Variants in GPRC5C observed in about 807,000 individuals in gnomAD.
The protein encoded by GPRC5C is G protein-coupled receptor class C group 5 member C.
In GPRC5C, 22 loss-of-function variants were observed where a neutral mutation model predicts 31.4. That is an observed-to-expected ratio of 0.70 (90% CI 0.50 to 1.00). GPRC5C has a LOEUF of 1.00. GPRC5C is among the 50% of genes least tolerant of loss of function. GPRC5C has a pLI of 0.00. For synonymous variants in GPRC5C, 249 were observed against 257.5 expected (o/e 0.97, Z 0.32); for missense variants, 557 against 597.2 (o/e 0.93, Z 0.70).
chr17:74,434,222 T>C (rs545493032), intron 1 of GPRC5C, among the ~76,000 whole-genome samples: 1 of 152,298 alleles, frequency 6.6e-6, no homozygotes, highest in African/African-American at 2.4e-5. Context: ...GGGCTTCAGC[T>C]GTGGGGTGGG....
chr17:74,444,140 C>T (rs2055588849), intron 3 of GPRC5C, among the ~76,000 whole-genome samples: 2 of 152,172 alleles, frequency 1.3e-5, no homozygotes, highest in Non-Finnish European at 2.9e-5. Context: ...GCAGTGGGAC[C>T]CGCCCTGTGT....
At position 74,447,022 on chromosome 17, in the gene GPRC5C, G is replaced by A. The variant is rs771615403; in HGVS notation, c.1320G>A (p.Trp440Ter). The A allele has an allele frequency of 8.1e-6, 13 of 1,610,582 alleles. No homozygotes were observed. Among genetic ancestry groups the A allele is most frequent in the African/African-American group, 2.7e-5 (2 of 74,866 alleles). ...AGGTCTTTAGAAACCCCTACGTGTG[G>A]GACTGAGTCAGCGGTGGCGAGGAGA... ...NSQVFRNPYVWD is the reference protein window; with the variant it reads ...NSQVFRNPYV The change falls in exon 4 of 4, where the codon TGG becomes TGA. Residue 440 changes from tryptophan to a stop codon, truncating the protein, a stop_gained. Coordinates refer to ENST00000392627, the MANE Select transcript of GPRC5C (RefSeq NM_022036.4). LOFTEE classifies it high-confidence loss of function.
At chr17:74,449,686 G>T (rs866642423), downstream of GPRC5C, 14 of 137,758 alleles carry the variant, frequency 1.0e-4, no homozygotes, top group Admixed American at 3.3e-4. Flanking sequence ...TAGTCCCTGT[G>T]TCCCCAAGCT....
rs1221248313 is a variant in GPRC5C at position 74,438,219 on chromosome 17, A to C, written c.-32-1526A>C. ...TCTCTGCTAATTCATATATATATATATATATATATATATATATATATATAT... is the reference window on the plus strand; with the variant it reads ...TCTCTGCTAATTCATATATATATATCTATATATATATATATATATATATAT... On this transcript the variant is annotated intron_variant, in intron 1 of 3. Transcript: ENST00000392627. Among the ~76,000 whole-genome samples the C allele has an allele frequency of 1.8e-3, 185 of 103,790 alleles. 3 individuals are homozygous for C. The highest frequency in any genetic ancestry group is 0.01 in the African/African-American group (174 of 17,280). 68.1% of individuals were successfully genotyped at this position (103,790 alleles called of 152,430 possible).
rs1385661632 is a variant in GPRC5C at position 74,446,845 on chromosome 17, C to T, written c.1147-4C>T. 3 of 1,603,682 alleles carry T rather than the reference C, an allele frequency of 1.9e-6. No individual in the cohort carries two copies. The highest frequency in any genetic ancestry group is 1.3e-5 in the African/African-American group (1 of 74,682). Reference sequence around the variant, plus strand: ...ACTGTGAGACCGCCTGTTCTTCCTTCCAGTCCGAAGGAGCTTACGACATCA... The same window carrying T: ...ACTGTGAGACCGCCTGTTCTTCCTTTCAGTCCGAAGGAGCTTACGACATCA... On this transcript the variant is annotated splice_polypyrimidine_tract_variant and splice_region_variant and intron_variant, in intron 3 of 3. Coordinates refer to ENST00000392627, the MANE Select transcript of GPRC5C (RefSeq NM_022036.4).
intron 1 of GPRC5C, among the ~76,000 whole-genome samples, chr17:74,437,925 T>C (rs78223733): frequency 0.023 from 3,512 of 152,240 alleles, 142 homozygotes; most frequent in African/African-American, 0.079. Context: ...GGGTTACAAC[T>C]AGTTATTTGA....
In GPRC5C at chr17:74,440,881, C is replaced by G; in HGVS notation, c.1051+54C>G. ...CCCTTTCTCCATCCCATGTCTTTTA[C>G]TGCAGGACAGGGAGCCAGTCTCTTG... On this transcript the variant is annotated intron_variant, in intron 2 of 3. Transcript: ENST00000392627. The surrounding 1 kb of genome is among the most constrained non-coding windows in gnomAD (Gnocchi z 4.4). The G allele has an allele frequency of 1.4e-6, 2 of 1,408,364 alleles. No individual in the cohort carries two copies. The highest frequency in any genetic ancestry group is 1.9e-6 in the Non-Finnish European group (2 of 1,070,588). 87.2% of individuals were successfully genotyped at this position (1,408,364 alleles called of 1,614,324 possible).
chr17:74,450,641 T>C (rs1361406264), downstream of GPRC5C: 1 of 152,216 alleles, frequency 6.6e-6, no homozygotes, highest in Non-Finnish European at 1.5e-5. Context: ...TGGCGCTGGT[T>C]CATCACTGGA....
At chr17:74,448,584 G>T (rs191516787), downstream of GPRC5C, among the ~76,000 whole-genome samples, 1 of 152,158 alleles carries the variant, frequency 6.6e-6, no homozygotes, top group African/African-American at 2.4e-5. Flanking sequence ...TCACCATGTT[G>T]CCCAGACTGG....
intron 2 of GPRC5C, among the ~76,000 whole-genome samples, chr17:74,441,045 C>T (rs1183323295): frequency 3.3e-5 from 5 of 151,072 alleles, no homozygotes; most frequent in East Asian, 3.9e-4. Flanking sequence ...GAGGCCAAGG[C>T]GGGTGGATCA....
At chr17:74,441,979 G>A (rs1169068206) in intron 2 of GPRC5C, among the ~76,000 whole-genome samples, 1 of 152,108 alleles carries the variant, frequency 6.6e-6, no homozygotes, top group Non-Finnish European at 1.5e-5. Context: ...TCTTTAAAAG[G>A]AAGTATTTTT....
downstream of GPRC5C, chr17:74,449,013 A>T: frequency 1.4e-6 from 1 of 725,100 alleles, no homozygotes; most frequent in Non-Finnish European, 2.1e-6. Context: ...GGGGGCTGCC[A>T]GGCCGGCCCC....
intron 1 of GPRC5C, among the ~76,000 whole-genome samples, chr17:74,435,442 G>T (rs751766481): frequency 1.7e-4 from 26 of 152,226 alleles, no homozygotes; most frequent in Non-Finnish European, 3.5e-4. Flanking sequence ...AGATATTTCA[G>T]GATGGGACCA....
intron 1 of GPRC5C, among the ~76,000 whole-genome samples, chr17:74,436,752 A>G (rs2055437094): frequency 6.6e-6 from 1 of 152,114 alleles, no homozygotes; most frequent in South Asian, 2.1e-4. Context: ...AGGTGTCCGG[A>G]GTCTAAGTGG....
chr17:74,439,428 C>T (rs557758747), intron 1 of GPRC5C, among the ~76,000 whole-genome samples: 26 of 152,274 alleles, frequency 1.7e-4, no homozygotes, highest in African/African-American at 3.9e-4. Context: ...CATCCTCCAC[C>T]GTGGCCGCCA....
intron 1 of GPRC5C, among the ~76,000 whole-genome samples, chr17:74,438,119 C>T (rs1213787729): frequency 2.7e-5 from 4 of 148,586 alleles, no homozygotes; most frequent in East Asian, 4.0e-4. Flanking sequence ...ACTGCAGCCT[C>T]GATCCCCTGG....
At position 74,432,141 on chromosome 17, in the gene GPRC5C, G is replaced by A. The variant is rs1212938480; in HGVS notation, c.-33G>A. On this transcript the variant is annotated splice_region_variant and 5_prime_UTR_variant, in exon 1 of 4. Coordinates refer to ENST00000392627, the MANE Select transcript of GPRC5C (RefSeq NM_022036.4). Reference sequence around the variant, plus strand: ...AAAGTACGAGTCGGCTCAGCCTGGAGGTGAGTCGGGGCGGGGAGGGCCGGG... The same window carrying A: ...AAAGTACGAGTCGGCTCAGCCTGGAAGTGAGTCGGGGCGGGGAGGGCCGGG... The A allele has an allele frequency of 2.5e-6, 4 of 1,611,854 alleles. No homozygotes were observed. In the South Asian group the frequency reaches 3.3e-5, roughly 13 times the overall value.
At chr17:74,450,720 G>A (rs1310899653), downstream of GPRC5C, 1 of 147,902 alleles carries the variant, frequency 6.8e-6, no homozygotes, top group East Asian at 2.2e-4. Context: ...GCAAAGAGGG[G>A]GTACCTCCAT....
rs986939615 is a variant in GPRC5C, at chr17:74,447,361, G to A, written c.*333G>A. On this transcript the variant is annotated 3_prime_UTR_variant, in exon 4 of 4. Transcript: ENST00000392627. ...TGCAACCTCAAGAGACTTCCCAGGC[G>A]CTCAGGCCTGGATCTTGCTCCTCTG... 21 of 1,070,204 alleles carry A rather than the reference G, an allele frequency of 2.0e-5. No individual in the cohort carries two copies. The highest frequency in any genetic ancestry group is 9.9e-5 in the African/African-American group (6 of 60,466). 66.3% of individuals were successfully genotyped at this position (1,070,204 alleles called of 1,614,324 possible).
Sources: gnomAD v4.1 joint callset for allele counts (sites outside exome capture counted in the v4.1 genomes callset) on GRCh38, gnomAD v4.1.1 for gene constraint, Gnocchi (gnomAD v3.1) non-coding constraint, MANE v1.5 for transcripts, NCBI Gene and HGNC (gene_info 2026-07-23, HGNC 2026-07-21) for gene names.